CSNK2A2IP: variants seen among roughly 807,000 people sequenced by gnomAD.
The protein encoded by CSNK2A2IP is casein kinase 2 subunit alpha' interacting protein.
the CSNK2A2IP span, among the ~76,000 whole-genome samples, chr3:88,424,512 C>T: frequency 4.6e-5 from 7 of 152,248 alleles, no homozygotes; most frequent in African/African-American, 1.7e-4. Flanking sequence ...ATAATTTTAT[C>T]TAGTGATAAA....
At chr3:88,362,491 T>C in the CSNK2A2IP span, among the ~76,000 whole-genome samples, 1 of 152,182 alleles carries the variant, frequency 6.6e-6, no homozygotes, top group Non-Finnish European at 1.5e-5. Context: ...CTGAGCAGCC[T>C]GGAGTTGAGG....
the CSNK2A2IP span, among the ~76,000 whole-genome samples, chr3:88,461,208 T>C: frequency 6.6e-6 from 1 of 152,218 alleles, no homozygotes; most frequent in African/African-American, 2.4e-5. Flanking sequence ...ATTCTGCTAT[T>C]GATTGACAGT....
chr3:88,452,324 A>G, the CSNK2A2IP span, among the ~76,000 whole-genome samples: 2 of 152,160 alleles, frequency 1.3e-5, no homozygotes, highest in Admixed American at 6.6e-5. Flanking sequence ...AATTATACAG[A>G]AGCATGAAAA....
chr3:88,458,771 T>C, the CSNK2A2IP span, among the ~76,000 whole-genome samples: 14 of 152,310 alleles, frequency 9.2e-5, no homozygotes, highest in East Asian at 1.9e-3. Flanking sequence ...GTATAAAATG[T>C]ATATGTAGTA....
the CSNK2A2IP span, among the ~76,000 whole-genome samples, chr3:88,425,501 A>T: frequency 6.6e-6 from 1 of 152,124 alleles, no homozygotes; most frequent in East Asian, 1.9e-4. Context: ...ATATAAATTG[A>T]GATGGACTTT....
At chr3:88,406,405 GT>G in the CSNK2A2IP span, among the ~76,000 whole-genome samples, 1 of 152,138 alleles carries the variant, frequency 6.6e-6, no homozygotes, top group East Asian at 1.9e-4. Flanking sequence ...TGCTTTAAAT[GT>G]TATCTATAAA....
At chr3:88,396,766 T>A in the CSNK2A2IP span, among the ~76,000 whole-genome samples, 1 of 152,170 alleles carries the variant, frequency 6.6e-6, no homozygotes, top group African/African-American at 2.4e-5. Context: ...AGTTACATTT[T>A]AAAAAGATCA....
the CSNK2A2IP span, among the ~76,000 whole-genome samples, chr3:88,383,170 C>T: frequency 6.6e-6 from 1 of 152,010 alleles, no homozygotes. Flanking sequence ...ATAGGGCTCC[C>T]AAAGGCCTTT....
the CSNK2A2IP span, among the ~76,000 whole-genome samples, chr3:88,383,382 T>A: frequency 6.6e-6 from 1 of 152,232 alleles, no homozygotes; most frequent in Non-Finnish European, 1.5e-5. Flanking sequence ...ATTTTTAATC[T>A]ATAAAATGAT....
chr3:88,410,231 C>A, the CSNK2A2IP span, among the ~76,000 whole-genome samples: 1 of 152,014 alleles, frequency 6.6e-6, no homozygotes, highest in Non-Finnish European at 1.5e-5. Flanking sequence ...TTAATCAAAT[C>A]CCAAAGCTTA....
chr3:88,368,204 C>T, the CSNK2A2IP span, among the ~76,000 whole-genome samples: 1 of 151,932 alleles, frequency 6.6e-6, no homozygotes, highest in Admixed American at 6.6e-5. Context: ...TATTGAGGGC[C>T]TACTAGTTGC....
At chr3:88,367,100 C>T in the CSNK2A2IP span, among the ~76,000 whole-genome samples, 3 of 152,050 alleles carry the variant, frequency 2.0e-5, no homozygotes, top group Non-Finnish European at 4.4e-5. Context: ...TGGGTGGGGA[C>T]ACAGCCAAAC....
chr3:88,392,720 A>T, the CSNK2A2IP span, among the ~76,000 whole-genome samples: 51 of 152,346 alleles, frequency 3.3e-4, no homozygotes, highest in South Asian at 0.01. Context: ...AATAAACTGG[A>T]AATAAAAAAT....
At chr3:88,445,525 A>G in the CSNK2A2IP span, among the ~76,000 whole-genome samples, 2 of 152,182 alleles carry the variant, frequency 1.3e-5, no homozygotes, top group African/African-American at 4.8e-5. Flanking sequence ...ATGCATTTGC[A>G]GATTGATTTA....
chr3:88,410,413 A>T, the CSNK2A2IP span, among the ~76,000 whole-genome samples: 1 of 152,158 alleles, frequency 6.6e-6, no homozygotes, highest in East Asian at 1.9e-4. Context: ...AAGATCTCTG[A>T]AACTTCTGGC....
the CSNK2A2IP span, among the ~76,000 whole-genome samples, chr3:88,389,853 C>T: frequency 1.3e-5 from 2 of 149,126 alleles, no homozygotes; most frequent in Non-Finnish European, 3.0e-5. Context: ...ATTGGGGAGG[C>T]ATTTTTTTTC....
chr3:88,403,854 C>A, the CSNK2A2IP span, among the ~76,000 whole-genome samples: 1 of 151,956 alleles, frequency 6.6e-6, no homozygotes, highest in Admixed American at 6.6e-5. Flanking sequence ...TGAAAGAAGT[C>A]AATGCTTTGG....
At chr3:88,452,430 A>G in the CSNK2A2IP span, among the ~76,000 whole-genome samples, 1 of 152,182 alleles carries the variant, frequency 6.6e-6, no homozygotes, top group Non-Finnish European at 1.5e-5. Context: ...AGGCTGACTC[A>G]GCACTCCACA....
At chr3:88,418,466 G>GCGCGCGCA in the CSNK2A2IP span, among the ~76,000 whole-genome samples, 2 of 151,926 alleles carry the variant, frequency 1.3e-5, no homozygotes, top group Non-Finnish European at 2.9e-5. Context: ...GTGTGTGTGC[G>GCGCGCGCA]CGCGGGCGTG....
Sources: gnomAD v4.1 joint callset for allele counts (sites outside exome capture counted in the v4.1 genomes callset) on GRCh38, gnomAD v4.1.1 for gene constraint, MANE v1.5 for transcripts, NCBI Gene and HGNC (gene_info 2026-07-23, HGNC 2026-07-21) for gene names.